Variants in KLHL32 observed in about 807,000 individuals in gnomAD.
The protein encoded by KLHL32 is kelch like family member 32.
KLHL32 carries 35 observed loss-of-function variants against 64.8 expected under a neutral mutation model. That is an observed-to-expected ratio of 0.54 (90% CI 0.41 to 0.72). KLHL32 has a LOEUF of 0.72. Among genes scored for constraint, KLHL32 ranks in the 30% least tolerant of loss-of-function variants. KLHL32 has a pLI of 0.00. For synonymous variants in KLHL32, 259 were observed against 281.0 expected (o/e 0.92, Z 0.78); for missense variants, 589 against 768.5 (o/e 0.77, Z 2.76).
At chr6:97,008,155 G>T (rs1024244184) in intron 3 of KLHL32, among the ~76,000 whole-genome samples, 8 of 152,130 alleles carry the variant, frequency 5.3e-5, no homozygotes, top group African/African-American at 1.9e-4. Context: ...GCATGGGGTT[G>T]GGTGTCAGGG....
chr6:97,013,249 T>G (rs1020132538), intron 3 of KLHL32, among the ~76,000 whole-genome samples: 2 of 152,232 alleles, frequency 1.3e-5, no homozygotes, highest in African/African-American at 4.8e-5. Context: ...TTTCAGCAGT[T>G]TGGTATCAGA....
At chr6:97,090,057 G>A (rs1374518599) in intron 6 of KLHL32, among the ~76,000 whole-genome samples, 1 of 152,144 alleles carries the variant, frequency 6.6e-6, no homozygotes, top group East Asian at 1.9e-4. Context: ...TTGGGGCTGG[G>A]GCAATCCTGT....
At chr6:96,948,755 C>T (rs2128007356) in intron 1 of KLHL32, among the ~76,000 whole-genome samples, 1 of 152,116 alleles carries the variant, frequency 6.6e-6, no homozygotes, top group African/African-American at 2.4e-5. Context: ...ATGGATTTGA[C>T]AGCCTTTTTC....
At chr6:97,064,578 A>G (rs1223340263) in intron 4 of KLHL32, 50 bp from the exon 5 acceptor site, 2 of 1,327,724 alleles carry the variant, frequency 1.5e-6, no homozygotes, top group African/African-American at 2.9e-5. Flanking sequence ...AAGCAGCATT[A>G]TATTTTTAAG....
At chr6:96,907,354 C>A in the KLHL32 span, among the ~76,000 whole-genome samples, 1 of 152,124 alleles carries the variant, frequency 6.6e-6, no homozygotes, top group African/African-American at 2.4e-5. Context: ...AGTGATACAT[C>A]TTATTATTCT....
chr6:96,925,398 T>C (rs1325342292), intron 1 of KLHL32, among the ~76,000 whole-genome samples: 1 of 152,246 alleles, frequency 6.6e-6, no homozygotes, highest in Non-Finnish European at 1.5e-5. Flanking sequence ...ATTTGGCATT[T>C]GTTAATCTGT....
In KLHL32 at chr6:96,989,322, G is replaced by A. The variant is rs748109863; in HGVS notation, c.204+13145G>A. Among the ~76,000 whole-genome samples, 284 of 152,278 alleles carry A rather than the reference G, an allele frequency of 1.9e-3. 1 individual carries two copies. The highest frequency in any genetic ancestry group is 5.8e-3 in the African/African-American group (242 of 41,580). ...TAATGAATTCCCTTAGCATTTGCTT[G>A]TCTGAAAAGGATTTTATTTCTCCTT... On this transcript the variant is annotated intron_variant, in intron 3 of 10. Transcript: ENST00000369261.
At chr6:97,098,147 A>G (rs1795239510) in intron 6 of KLHL32, among the ~76,000 whole-genome samples, 1 of 152,216 alleles carries the variant, frequency 6.6e-6, no homozygotes, top group Non-Finnish European at 1.5e-5. Flanking sequence ...AAAACGATAC[A>G]GACATCTAAT....
intron 4 of KLHL32, among the ~76,000 whole-genome samples, chr6:97,054,133 G>T (rs750752489): frequency 1.3e-5 from 2 of 152,016 alleles, no homozygotes; most frequent in Non-Finnish European, 2.9e-5. Context: ...TGGTCAAATT[G>T]TAATTAATAT....
At position 97,114,022 on chromosome 6, in the gene KLHL32, C is replaced by T; in HGVS notation, c.867C>T (p.Asp289=). Residue 289 remains aspartate, a synonymous_variant, in exon 7 of 11, where the codon GAC becomes GAT. Coordinates refer to ENST00000369261, the MANE Select transcript of KLHL32 (RefSeq NM_052904.4). ...TRRTKPRFQS[D]TLYIIGGKKR... is the part of the protein sequence containing the mutation. ...GGACCAAACCACGATTCCAGTCAGA[C>T]ACTCTGTATATCATTGGTGGGAAAA... The T allele has an allele frequency of 6.2e-7, 1 of 1,614,236 alleles. No homozygotes were observed. The highest frequency in any genetic ancestry group is 1.1e-5 in the South Asian group (1 of 91,088).
chr6:97,005,875 T>A lies in KLHL32; in HGVS notation c.204+29698T>A, dbSNP rs1016707497. 5.9e-5 allele frequency among the ~76,000 whole-genome samples: 9 copies of A among 152,270 alleles called. No individual in the cohort carries two copies. The South Asian group carries it at 8.3e-4, about 14-fold the overall frequency. On this transcript the variant is annotated intron_variant, in intron 3 of 10. Transcript: ENST00000369261. ...TATATTTTCAGTTTTTTATTTTTTT[T>A]AATTTTCTGAGGATTGTTTTCTGGC...
intron 2 of KLHL32, among the ~76,000 whole-genome samples, chr6:96,972,671 G>A (rs946396343): frequency 9.9e-5 from 15 of 152,158 alleles, no homozygotes; most frequent in African/African-American, 3.6e-4. Context: ...CAGAAATTTA[G>A]AAGTTTTAGG....
chr6:96,925,296 C>T (rs1197825531), intron 1 of KLHL32, among the ~76,000 whole-genome samples: 1 of 152,148 alleles, frequency 6.6e-6, no homozygotes, highest in Admixed American at 6.5e-5. Flanking sequence ...AAACATCAGC[C>T]GTGGGACATC....
At chr6:97,093,698 A>G (rs1024135193) in intron 6 of KLHL32, among the ~76,000 whole-genome samples, 3 of 150,902 alleles carry the variant, frequency 2.0e-5, no homozygotes, top group Non-Finnish European at 2.9e-5. Context: ...TCTTGATCAG[A>G]GCCCAGAAAC....
chr6:97,002,242 TC>T (rs1294403017), intron 3 of KLHL32, among the ~76,000 whole-genome samples: 1 of 152,132 alleles, frequency 6.6e-6, no homozygotes, highest in Non-Finnish European at 1.5e-5. Context: ...AGCCTTTTAT[TC>T]TCTCCAGGTC....
At chr6:96,898,719 A>G in the KLHL32 span, among the ~76,000 whole-genome samples, 1 of 152,130 alleles carries the variant, frequency 6.6e-6, no homozygotes, top group African/African-American at 2.4e-5. Context: ...CAAACAAAAA[A>G]ACGAGTGTTA....
intron 10 of KLHL32, among the ~76,000 whole-genome samples, chr6:97,133,953 A>G (rs753114946): frequency 1.3e-5 from 2 of 152,108 alleles, no homozygotes; most frequent in Non-Finnish European, 2.9e-5. Context: ...AAAATTAAGT[A>G]TTGTTTAGTA....
rs918953666 is a variant in KLHL32, at chr6:97,025,081, T to C, written c.205-16411T>C. The C allele has an allele frequency of 7.1e-6, 7 of 985,184 alleles. No homozygotes were observed. The Admixed American group carries it at 3.7e-4, about 52-fold the overall frequency. The allele number at this position is 985,184 out of a possible 1,614,324, so 61.0% of individuals were successfully genotyped here. The stretch of plus-strand genomic sequence containing the variant: ...ATGGAATTTTTAAACTCTTAAAAAT[T>C]AGTGTTGAGCGAAGGCAGATGTTTT... On this transcript the variant is annotated intron_variant, in intron 3 of 10. Coordinates refer to ENST00000369261, the MANE Select transcript of KLHL32 (RefSeq NM_052904.4).
intron 10 of KLHL32, among the ~76,000 whole-genome samples, chr6:97,135,705 C>T (rs1329406980): frequency 2.6e-5 from 4 of 152,118 alleles, no homozygotes; most frequent in African/African-American, 9.7e-5. Context: ...TGGATAGTGA[C>T]ATGTATCTTT....
Sources: gnomAD v4.1 joint callset for allele counts (sites outside exome capture counted in the v4.1 genomes callset) on GRCh38, gnomAD v4.1.1 for gene constraint, MANE v1.5 for transcripts, NCBI Gene and HGNC (gene_info 2026-07-23, HGNC 2026-07-21) for gene names.